Variants in DSCAM observed in about 807,000 individuals in gnomAD.
DSCAM encodes the protein cell adhesion molecule DSCAM.
In DSCAM, 47 loss-of-function variants were observed where a neutral mutation model predicts 217.7. The ratio of observed to expected loss-of-function variants is 0.22; its 90% CI spans 0.17 to 0.28. The LOEUF (loss-of-function observed/expected upper bound fraction) is 0.28. Among genes scored for constraint, DSCAM ranks in the 10% least tolerant of loss-of-function variants. DSCAM has a pLI of 1.00. For synonymous variants in DSCAM, 1,056 were observed against 1,015.3 expected, an observed-to-expected ratio of 1.04 and a Z score of -0.76; for missense variants, 2,080 against 2,618.3, an observed-to-expected ratio of 0.79 and a Z score of 4.49.
intron 3 of DSCAM, among the ~76,000 whole-genome samples, chr21:40,451,317 C>A (rs1159801895): frequency 6.6e-6 from 1 of 152,184 alleles, no homozygotes; most frequent in Non-Finnish European, 1.5e-5. Context: ...ATGGCACTTT[C>A]TACTGGCTTA....
intron 20 of DSCAM, 48 bp downstream of exon 20, chr21:40,124,147 T>A: frequency 6.2e-7 from 1 of 1,611,306 alleles, no homozygotes; most frequent in Non-Finnish European, 8.5e-7. Flanking sequence ...CACCTGCAGC[T>A]CGTCCCTGGC....
chr21:40,512,299 C>T (rs2076265715), intron 3 of DSCAM, among the ~76,000 whole-genome samples: 3 of 152,146 alleles, frequency 2.0e-5, no homozygotes, highest in African/African-American at 7.2e-5. Context: ...ACTGACTTCA[C>T]ACCTACTCTG....
chr21:40,351,953 T>G (rs2123643348), intron 5 of DSCAM, among the ~76,000 whole-genome samples: 1 of 152,282 alleles, frequency 6.6e-6, no homozygotes, highest in South Asian at 2.1e-4. Context: ...GTAATGTGAC[T>G]TGCAATCAGG....
chr21:40,650,392 G>C (rs550786887), intron 3 of DSCAM, among the ~76,000 whole-genome samples: 1 of 152,222 alleles, frequency 6.6e-6, no homozygotes, highest in South Asian at 2.1e-4. Flanking sequence ...ACTTGACTGG[G>C]TTAAGAGATG....
chr21:40,264,765 C>T (rs1601497804), intron 11 of DSCAM, among the ~76,000 whole-genome samples: 1 of 152,146 alleles, frequency 6.6e-6, no homozygotes, highest in African/African-American at 2.4e-5. Context: ...AGTAAAACTA[C>T]CTCTGTTAGA....
intron 3 of DSCAM, among the ~76,000 whole-genome samples, chr21:40,569,335 G>C (rs750036452): frequency 1.3e-5 from 2 of 152,156 alleles, no homozygotes; most frequent in Non-Finnish European, 1.5e-5. Context: ...TCTAGGTGTT[G>C]CTATGAAGGT....
intron 3 of DSCAM, among the ~76,000 whole-genome samples, chr21:40,473,318 A>T (rs2075905035): frequency 6.6e-6 from 1 of 152,216 alleles, no homozygotes; most frequent in African/African-American, 2.4e-5. Flanking sequence ...CAATTTGAAT[A>T]GACAAAGGCA....
At chr21:40,488,525 C>A (rs1192738292) in intron 3 of DSCAM, among the ~76,000 whole-genome samples, 1 of 152,096 alleles carries the variant, frequency 6.6e-6, no homozygotes, top group African/African-American at 2.4e-5. Context: ...TTATTCTTTT[C>A]TGTCTCCGTG....
intron 9 of DSCAM, among the ~76,000 whole-genome samples, chr21:40,302,993 A>G (rs539006321): frequency 1.3e-5 from 2 of 152,290 alleles, no homozygotes; most frequent in South Asian, 2.1e-4. Context: ...AAGTTGCTAT[A>G]TATTTCCAAA....
chr21:40,788,983 A>G (rs555915367), intron 1 of DSCAM, among the ~76,000 whole-genome samples: 1 of 152,234 alleles, frequency 6.6e-6, no homozygotes, highest in South Asian at 2.1e-4. Context: ...TAGAATTCCT[A>G]CTAGAAAAAA....
At chr21:40,423,008 A>G (rs1383602296) in intron 3 of DSCAM, among the ~76,000 whole-genome samples, 2 of 152,178 alleles carry the variant, frequency 1.3e-5, no homozygotes, top group Non-Finnish European at 2.9e-5. Context: ...TCCTGATGTA[A>G]TAAGTACCAT....
chr21:40,194,639 A>G (rs1038995182), intron 11 of DSCAM, among the ~76,000 whole-genome samples: 1 of 152,200 alleles, frequency 6.6e-6, no homozygotes, highest in African/African-American at 2.4e-5. Context: ...TGCTTCATAA[A>G]CTATAATATT....
chr21:40,308,634 T>C (rs1307117331), intron 9 of DSCAM, among the ~76,000 whole-genome samples: 1 of 152,186 alleles, frequency 6.6e-6, no homozygotes, highest in Non-Finnish European at 1.5e-5. Flanking sequence ...CTGTGATCTA[T>C]TTGGGCTCTG....
Position 40,312,300 on chromosome 21 carries a change from T to A in DSCAM, c.1843A>T (p.Ile615Phe). The A allele has an allele frequency of 6.2e-7, 1 of 1,614,072 alleles. No individual in the cohort carries two copies. Among genetic ancestry groups the A allele is most frequent in the Non-Finnish European group, 8.5e-7 (1 of 1,180,030 alleles). The change falls in exon 9 of 33, where the codon ATC becomes TTC. Residue 615 changes from isoleucine to phenylalanine, a missense_variant. By Grantham distance (21) the Ile-to-Phe change is conservative. Around this residue, in one of 5 missense-constraint regions of DSCAM, gnomAD observed 218 missense variants for 364.1 expected, o/e 0.60. Coordinates refer to ENST00000400454, the MANE Select transcript of DSCAM (RefSeq NM_001389.5). ...TCCCCTGAGACCACAACACAGGGGATGAAGACCCGCTGCCCAATGGAGAAT... is the reference window on the plus strand; with the variant it reads ...TCCCCTGAGACCACAACACAGGGGAAGAAGACCCGCTGCCCAATGGAGAAT... ...PRFSIGQRVF[I>F]PCVVVSGDLP...
chr21:40,366,919 T>C (rs765217001), intron 4 of DSCAM, among the ~76,000 whole-genome samples: 2 of 152,214 alleles, frequency 1.3e-5, no homozygotes, highest in Admixed American at 6.5e-5. Flanking sequence ...CAGTATTTCA[T>C]AGGATGGAAT....
chr21:40,642,732 T>A (rs1213853890), intron 3 of DSCAM, among the ~76,000 whole-genome samples: 1 of 152,150 alleles, frequency 6.6e-6, no homozygotes, highest in African/African-American at 2.4e-5. Flanking sequence ...CACAGGTGCT[T>A]GCCACCATGC....
At chr21:40,479,708 G>C (rs138789758) in intron 3 of DSCAM, among the ~76,000 whole-genome samples, 3 of 152,112 alleles carry the variant, frequency 2.0e-5, no homozygotes, top group Non-Finnish European at 2.9e-5. Context: ...CTCACAACAC[G>C]AGGGGATTAT....
intron 3 of DSCAM, among the ~76,000 whole-genome samples, chr21:40,386,359 A>T (rs2123743693): frequency 6.6e-6 from 1 of 152,374 alleles, no homozygotes; most frequent in Non-Finnish European, 1.5e-5. Flanking sequence ...GCAGTTGAAG[A>T]ACCTACAAGG....
intron 32 of DSCAM, among the ~76,000 whole-genome samples, chr21:40,027,002 C>T (rs1191952408): frequency 6.6e-6 from 1 of 152,304 alleles, no homozygotes; most frequent in African/African-American, 2.4e-5. Flanking sequence ...CATGATTTTG[C>T]AGTGGCTGGT....
Sources: allele counts gnomAD v4.1 joint callset (sites outside exome capture counted in the v4.1 genomes callset), GRCh38; gene constraint gnomAD v4.1.1; regional missense constraint gnomAD v4.1.1; transcripts MANE v1.5; gene names NCBI Gene and HGNC (gene_info 2026-07-23, HGNC 2026-07-21).